SLF2: variants seen among roughly 807,000 people sequenced by gnomAD.
The protein encoded by SLF2 is SMC5-SMC6 complex localization factor protein 2.
A neutral mutation model predicts 124.3 loss-of-function variants in SLF2; 68 were observed. That is an observed-to-expected ratio of 0.55 (90% confidence interval 0.45 to 0.67). The LOEUF (loss-of-function observed/expected upper bound fraction) is 0.67. SLF2 is among the 30% of genes least tolerant of loss of function. SLF2 has a pLI of 0.00. For synonymous variants in SLF2, 480 were observed against 478.8 expected (o/e 1.00, Z -0.03); for missense variants, 1,246 against 1,373.7 (o/e 0.91, Z 1.47).
Position 100,947,031 on chromosome 10 carries a change from T to G in SLF2, c.2935-8T>G. 6.2e-7 allele frequency: 1 copy of G among 1,610,934 alleles called. No homozygotes were observed. The highest frequency in any genetic ancestry group is 8.5e-7 in the Non-Finnish European group (1 of 1,177,288). On this transcript the variant is annotated splice_region_variant and splice_polypyrimidine_tract_variant and intron_variant, in intron 13 of 19. Transcript: ENST00000238961. ...TGAAAAGAAATCTTACATGTTCTTTTTTTTCAGGTGCCTGAACTCTGTCTG... is the reference window on the plus strand; with the variant it reads ...TGAAAAGAAATCTTACATGTTCTTTGTTTTCAGGTGCCTGAACTCTGTCTG...
chr10:100,944,244 C>T (rs1195626768), intron 12 of SLF2, 116 bp downstream of exon 12: 8 of 592,116 alleles, frequency 1.4e-5, no homozygotes, highest in Non-Finnish European at 2.0e-5. Flanking sequence ...GCCTGTAATC[C>T]CAGCACTTTG....
At chr10:100,939,822 A>G (rs2133801715) in intron 11 of SLF2, among the ~76,000 whole-genome samples, 1 of 152,350 alleles carries the variant, frequency 6.6e-6, no homozygotes, top group East Asian at 1.9e-4. Context: ...AAAGGAAATA[A>G]AAGAGGAAAA....
chr10:100,945,665 C>T (rs1425610019), intron 13 of SLF2, among the ~76,000 whole-genome samples, 159 bp downstream of exon 13: 1 of 152,114 alleles, frequency 6.6e-6, no homozygotes, highest in Non-Finnish European at 1.5e-5. Flanking sequence ...TATTTAAATT[C>T]GTGATAATTG....
At position 100,962,188 on chromosome 10, in the gene SLF2, G is replaced by T; in HGVS notation, c.*276G>T. The T allele has an allele frequency of 3.5e-6, 1 of 283,736 alleles. No homozygotes were observed. The allele number at this position is 283,736 out of a possible 1,614,324, so 17.6% of individuals were successfully genotyped here. A position where few individuals can be genotyped will look rare whatever the true frequency, so the allele number is the denominator to read the frequency against. ...GGTAGAAGCAGAATAATAGTCATAT[G>T]TCTAACCTGCCCCAGTTAACTCCTC... On this transcript the variant is annotated 3_prime_UTR_variant, in exon 20 of 20. Coordinates refer to ENST00000238961, the MANE Select transcript of SLF2 (RefSeq NM_018121.4).
chr10:100,927,606 G>A (rs1158622837), intron 6 of SLF2, among the ~76,000 whole-genome samples: 3 of 152,080 alleles, frequency 2.0e-5, no homozygotes, highest in Admixed American at 1.3e-4. Flanking sequence ...GCATATACAC[G>A]TAAGTGGACT....
At chr10:100,945,214 T>C (rs1274004745) in intron 12 of SLF2, 116 bp from the exon 13 acceptor site, 1 of 814,014 alleles carries the variant, frequency 1.2e-6, no homozygotes, top group African/African-American at 1.8e-5. Context: ...ACATCGGATG[T>C]TTGTTTTCTT....
In SLF2 at chr10:100,959,458, A is replaced by G; in HGVS notation, c.3448A>G (p.Lys1150Glu). 6.2e-7 allele frequency: 1 copy of G among 1,610,042 alleles called. No homozygotes were observed. The highest frequency in any genetic ancestry group is 8.5e-7 in the Non-Finnish European group (1 of 1,179,052). ...AGACTTGGTCGCCAGGATACATGGA[A>G]AATGGCAGGAAATAATCCAGAACTG... is the stretch of plus-strand genomic sequence containing the variant. ...VKDLVARIHG[K>E]WQEIIQNCRP... Residue 1150 changes from lysine to glutamate, a missense_variant, in exon 19 of 20, where the codon AAA becomes GAA. Transcript: ENST00000238961.
intron 9 of SLF2, among the ~76,000 whole-genome samples, chr10:100,932,797 T>C (rs1293362621): frequency 6.6e-5 from 10 of 151,932 alleles, no homozygotes. Flanking sequence ...TAGGGTAAGG[T>C]AGATACAGAG....
chr10:100,923,939 A>G (rs1849562511), intron 4 of SLF2, 36 bp from the exon 5 acceptor site: 3 of 1,453,658 alleles, frequency 2.1e-6, no homozygotes, highest in Non-Finnish European at 2.7e-6. Flanking sequence ...GTTGGAAAGT[A>G]TATTTTTCAC....
chr10:100,922,470 TGTG>T (rs1157166833), intron 4 of SLF2, among the ~76,000 whole-genome samples: 4 of 152,024 alleles, frequency 2.6e-5, no homozygotes, highest in Non-Finnish European at 2.9e-5. Context: ...CTCCCAAAGT[TGTG>T]GTATTACAGG....
At chr10:100,917,651 A>G (rs562452181) in intron 3 of SLF2, among the ~76,000 whole-genome samples, 1 of 152,262 alleles carries the variant, frequency 6.6e-6, no homozygotes, top group African/African-American at 2.4e-5. Flanking sequence ...ATCATGTCTC[A>G]TTGCAGTCTC....
At chr10:100,928,872 AACT>A (rs1304963263) in intron 6 of SLF2, among the ~76,000 whole-genome samples, 1 of 152,212 alleles carries the variant, frequency 6.6e-6, no homozygotes, top group African/African-American at 2.4e-5. Flanking sequence ...TGACAGTGAC[AACT>A]ACTGCTGCTA....
Position 100,916,552 on chromosome 10 carries a change from T to C in SLF2, c.185-18T>C. On this transcript the variant is annotated intron_variant, in intron 2 of 19. Coordinates refer to ENST00000238961, the MANE Select transcript of SLF2 (RefSeq NM_018121.4). Reference sequence around the variant, plus strand: ...TTTACTAACATGCAATTTGTATGTGTTTTAATTGGCTATTTAGACAGACAC... The same window carrying C: ...TTTACTAACATGCAATTTGTATGTGCTTTAATTGGCTATTTAGACAGACAC... The C allele has an allele frequency of 7.6e-7, 1 of 1,323,766 alleles. No individual in the cohort carries two copies. The highest frequency in any genetic ancestry group is 2.8e-5 in the East Asian group (1 of 36,294). The allele number at this position is 1,323,766 out of a possible 1,614,324, so 82.0% of individuals were successfully genotyped here.
chr10:100,917,190 G>C lies in SLF2; in HGVS notation c.805G>C (p.Glu269Gln). ...QRINSENSFS[E>Q]ASSLSLKSSI... Reference sequence around the variant, plus strand: ...AATCAACTCCGAGAATTCTTTCTCAGAAGCAAGCAGTCTTTCCTTAAAATC... The same window carrying C: ...AATCAACTCCGAGAATTCTTTCTCACAAGCAAGCAGTCTTTCCTTAAAATC... Residue 269 changes from glutamate to glutamine, a missense_variant, in exon 3 of 20, where the codon GAA (glutamate) becomes CAA (glutamine). Glu to Gln is a conservative substitution (Grantham distance 29). This residue lies in a region of SLF2 where 698 missense variants were observed against 708.9 expected (regional missense o/e 0.98). Transcript: ENST00000238961. 5 of 1,614,130 alleles carry C rather than the reference G, an allele frequency of 3.1e-6. No individual in the cohort carries two copies. Among genetic ancestry groups the C allele is most frequent in the Non-Finnish European group, 4.2e-6 (5 of 1,180,036 alleles).
rs113640615 is a variant in SLF2, at chr10:100,940,511, C to G, written c.2654+1775C>G. ...AGTAGCTGAGACCACAGGTACTCACCACCACGCCCAGCTAATATTTTTTTA... is the reference window on the plus strand; with the variant it reads ...AGTAGCTGAGACCACAGGTACTCACGACCACGCCCAGCTAATATTTTTTTA... On this transcript the variant is annotated intron_variant, in intron 11 of 19. Coordinates refer to ENST00000238961, the MANE Select transcript of SLF2 (RefSeq NM_018121.4). Among the ~76,000 whole-genome samples, 653 of 152,228 alleles carry G rather than the reference C, an allele frequency of 4.3e-3. 11 individuals carry two copies. Among genetic ancestry groups the G allele is most frequent in the African/African-American group, 0.015 (608 of 41,530 alleles).
chr10:100,950,479 T>C (rs1235173414), intron 16 of SLF2, among the ~76,000 whole-genome samples, 197 bp from the exon 17 acceptor site: 3 of 152,234 alleles, frequency 2.0e-5, no homozygotes, highest in African/African-American at 4.8e-5. Flanking sequence ...CGTGAGGTCA[T>C]GAATCATGGT....
In SLF2 at chr10:100,928,334, T is replaced by A. The variant is rs557969500; in HGVS notation, c.2043-983T>A. Among the ~76,000 whole-genome samples, 17 of 152,240 alleles carry A rather than the reference T, an allele frequency of 1.1e-4. 1 individual carries two copies. In the South Asian group the frequency reaches 3.3e-3, roughly 30 times the overall value. ...TAACTTTAGGAATTTTTCAGATGAT[T>A]AGTAGTTCAAAAGCTTCCCCCTTTC... On this transcript the variant is annotated intron_variant, in intron 6 of 19. Transcript: ENST00000238961.
At chr10:100,958,712 A>G (rs1303894016) in intron 18 of SLF2, among the ~76,000 whole-genome samples, 1 of 152,252 alleles carries the variant, frequency 6.6e-6, no homozygotes, top group Non-Finnish European at 1.5e-5. Flanking sequence ...AGAAAAAAGC[A>G]TAGATTGTAG....
At chr10:100,922,818 C>T (rs552655845) in intron 4 of SLF2, among the ~76,000 whole-genome samples, 1 of 151,434 alleles carries the variant, frequency 6.6e-6, no homozygotes, top group East Asian at 1.9e-4. Context: ...CTCTGTTGCC[C>T]AGACTGGCGT....
Sources: allele counts gnomAD v4.1 joint callset (sites outside exome capture counted in the v4.1 genomes callset), GRCh38; gene constraint gnomAD v4.1.1; regional missense constraint gnomAD v4.1.1; transcripts MANE v1.5; gene names NCBI Gene and HGNC (gene_info 2026-07-23, HGNC 2026-07-21).